RAPGEF1: variants seen among roughly 807,000 people sequenced by gnomAD.
RAPGEF1 encodes the protein Rap guanine nucleotide exchange factor 1, also known as CRK SH3-binding GNRP.
In RAPGEF1, 33 loss-of-function variants were observed where a neutral mutation model predicts 143.3. The ratio of observed to expected loss-of-function variants is 0.23; its 90% CI spans 0.17 to 0.31. The LOEUF (loss-of-function observed/expected upper bound fraction) is 0.31, where lower values mean the gene tolerates loss of function less well. RAPGEF1 is among the 10% of genes least tolerant of loss of function. The probability of loss-of-function intolerance (pLI) is 1.00; values close to 1 mark genes in which losing one functional copy is unlikely to be tolerated. For missense variants in RAPGEF1, 1,199 were observed against 1,645.4 expected, an observed-to-expected ratio of 0.73 and a Z score of 4.69; for synonymous variants, 629 against 676.5, an observed-to-expected ratio of 0.93 and a Z score of 1.09.
In RAPGEF1 at chr9:131,588,737, A is replaced by G; in HGVS notation, c.3053+64T>C. 1.4e-6 allele frequency: 2 copies of G among 1,479,362 alleles called. 1 individual carries two copies. Among genetic ancestry groups the G allele is most frequent in the African/African-American group, 2.8e-5 (2 of 71,804 alleles). 91.6% of individuals were successfully genotyped at this position (1,479,362 alleles called of 1,614,324 possible). A position where few individuals can be genotyped will look rare whatever the true frequency, so the allele number is the denominator to read the frequency against. Reference sequence around the variant, plus strand: ...GGGGCTGTGGGGCTGGCAGGGAGGGAGGGTAAACTGAGAAAGGCACGGCTC... The same window carrying G: ...GGGGCTGTGGGGCTGGCAGGGAGGGGGGGTAAACTGAGAAAGGCACGGCTC... On this transcript the variant is annotated intron_variant, in intron 20 of 26. Transcript: ENST00000683357.
chr9:131,717,908 C>G (rs942666172), intron 1 of RAPGEF1, among the ~76,000 whole-genome samples: 1 of 152,084 alleles, frequency 6.6e-6, no homozygotes, highest in African/African-American at 2.4e-5. Flanking sequence ...AGATGTGAGG[C>G]AGCTAGGGAT....
At chr9:131,640,063 G>A (rs1043869881) in intron 4 of RAPGEF1, among the ~76,000 whole-genome samples, 1 of 152,224 alleles carries the variant, frequency 6.6e-6, no homozygotes, top group African/African-American at 2.4e-5. Flanking sequence ...AGCCAGGATT[G>A]GGTATTTTAG....
chr9:131,688,867 C>T (rs553066889), intron 1 of RAPGEF1, among the ~76,000 whole-genome samples: 1 of 152,318 alleles, frequency 6.6e-6, no homozygotes, highest in African/African-American at 2.4e-5. Context: ...CACTGCACTC[C>T]AGCCTGGGCC....
In RAPGEF1 at chr9:131,628,912, G is replaced by A. The variant is rs775328109; in HGVS notation, c.893+190C>T. ...ATCATACCATGTCTCCCTGGGCTGA[G>A]GGCACAAGGAGGCCTTCAGGAGAGC... On this transcript the variant is annotated intron_variant, in intron 7 of 26. Transcript: ENST00000683357. This position sits in a 1 kb window ranked among gnomAD's most constrained non-coding sequence, Gnocchi z 5.7. 1.3e-5 allele frequency among the ~76,000 whole-genome samples: 2 copies of A among 152,152 alleles called. No individual in the cohort carries two copies. The highest frequency in any genetic ancestry group is 2.9e-5 in the Non-Finnish European group (2 of 68,022).
chr9:131,739,754 C>A lies in RAPGEF1; in HGVS notation c.61+16G>T. 8.7e-7 allele frequency: 1 copy of A among 1,147,228 alleles called. No homozygotes were observed. The highest frequency in any genetic ancestry group is 3.8e-5 in the Admixed American group (1 of 26,536). The allele number at this position is 1,147,228 out of a possible 1,614,324, so 71.1% of individuals were successfully genotyped here. A position where few individuals can be genotyped will look rare whatever the true frequency, so the allele number is the denominator to read the frequency against. Reference sequence around the variant, plus strand: ...CGGGCCCGGCCGGAGGGAGCCGCCCCACGCCCGCGCCTCACCTGCTTTCTC... The same window carrying A: ...CGGGCCCGGCCGGAGGGAGCCGCCCAACGCCCGCGCCTCACCTGCTTTCTC... On this transcript the variant is annotated intron_variant, in intron 1 of 26. Coordinates refer to ENST00000683357, the MANE Select transcript of RAPGEF1 (RefSeq NM_001377935.1).
At chr9:131,730,680 A>G (rs1836994948) in intron 1 of RAPGEF1, among the ~76,000 whole-genome samples, 1 of 137,468 alleles carries the variant, frequency 7.3e-6, no homozygotes, top group African/African-American at 2.8e-5. Context: ...GGGCAACAGC[A>G]GAGTGAGACT....
chr9:131,624,210 G>A (rs1418987525), intron 10 of RAPGEF1, among the ~76,000 whole-genome samples: 2 of 152,166 alleles, frequency 1.3e-5, no homozygotes, highest in Non-Finnish European at 2.9e-5. Flanking sequence ...CAGTTCTTCT[G>A]AGCTCCAGTT....
intron 1 of RAPGEF1, among the ~76,000 whole-genome samples, chr9:131,666,529 G>A (rs756474766): frequency 3.3e-5 from 5 of 152,052 alleles, no homozygotes; most frequent in Non-Finnish European, 7.4e-5. Context: ...GGGGACTACA[G>A]GTGCCTGCTA....
chr9:131,678,583 T>C (rs547807737), intron 1 of RAPGEF1, among the ~76,000 whole-genome samples: 100 of 152,344 alleles, frequency 6.6e-4, no homozygotes, highest in Non-Finnish European at 1.2e-3. Flanking sequence ...CAGAAATATG[T>C]TCCTCCCCAT....
intron 12 of RAPGEF1, among the ~76,000 whole-genome samples, chr9:131,606,576 GAAAAGAGGA>G (rs1957149839): frequency 6.6e-6 from 1 of 152,274 alleles, no homozygotes; most frequent in East Asian, 1.9e-4. Context: ...AGAACCCATG[GAAAAGAGGA>G]AGAAGAGGAA....
chr9:131,587,168 C>T (rs1267968064), intron 22 of RAPGEF1, among the ~76,000 whole-genome samples: 3 of 104,432 alleles, frequency 2.9e-5, no homozygotes, highest in Non-Finnish European at 5.6e-5. Flanking sequence ...ACCTGCAGAG[C>T]GAGACTCCGT....
At chr9:131,592,061 C>A (rs757910266) in intron 18 of RAPGEF1, 38 bp downstream of exon 18, 29 of 1,501,498 alleles carry the variant, frequency 1.9e-5, no homozygotes, top group Non-Finnish European at 2.6e-5. Context: ...CCAAAATGCC[C>A]ATGGTGCAGG....
In RAPGEF1 at chr9:131,626,362, G is replaced by A. The variant is rs750781112; in HGVS notation, c.1262C>T (p.Pro421Leu). The A allele has an allele frequency of 1.9e-6, 3 of 1,613,974 alleles. No homozygotes were observed. The highest frequency in any genetic ancestry group is 1.7e-5 in the Admixed American group (1 of 60,020). The change falls in exon 10 of 27, where the codon CCT (proline) becomes CTT (leucine). Residue 421 changes from proline to leucine, a missense_variant. Pro to Leu is a moderately conservative substitution (Grantham distance 98). Transcript: ENST00000683357. The part of the protein sequence containing the change: ...QQDLSNADQI[P>L]QQTAWNLSPL... ...GCTAAGGTTCCAGGCCGTCTGCTGA[G>A]GTATCTGGTCTGCGTTAGAGAGGTC...
chr9:131,591,792 A>C (rs1413675942), intron 18 of RAPGEF1, among the ~76,000 whole-genome samples: 1 of 152,198 alleles, frequency 6.6e-6, no homozygotes, highest in Non-Finnish European at 1.5e-5. Flanking sequence ...GGCATGTCTA[A>C]TTCGTTTTTA....
chr9:131,662,590 A>G (rs1421583339), intron 1 of RAPGEF1, among the ~76,000 whole-genome samples: 4 of 148,118 alleles, frequency 2.7e-5, no homozygotes, highest in Non-Finnish European at 6.0e-5. Flanking sequence ...CTCTGTCACC[A>G]AGGCTGGAGT....
chr9:131,623,038 G>A (rs796551424), intron 10 of RAPGEF1, among the ~76,000 whole-genome samples: 9 of 152,280 alleles, frequency 5.9e-5, no homozygotes, highest in African/African-American at 2.2e-4. Flanking sequence ...AAAGTGCTGG[G>A]ATTACAGGTG....
chr9:131,663,401 C>A (rs947777539), intron 1 of RAPGEF1, among the ~76,000 whole-genome samples: 1 of 151,890 alleles, frequency 6.6e-6, no homozygotes, highest in African/African-American at 2.4e-5. Flanking sequence ...ATATTTAACA[C>A]TGACATAATA....
Position 131,602,128 on chromosome 9 carries a change from C to T in RAPGEF1, c.2434G>A (p.Gly812Arg), listed in dbSNP as rs762417571. ...SRGEPPAGKD[G>R]HPRDPSAVSG... The stretch of plus-strand genomic sequence containing the variant: ...ACCGCTGAGGGATCTCTGGGATGTC[C>T]GTCTTTCCCAGCCGGTGGCTCCTGG... The change falls in exon 15 of 27, where the codon GGA becomes AGA. Residue 812 changes from glycine to arginine, a missense_variant. By Grantham distance (125) the Gly-to-Arg change is moderately radical. Transcript: ENST00000683357. 10 of 1,596,856 alleles carry T rather than the reference C, an allele frequency of 6.3e-6. No homozygotes were observed. Among genetic ancestry groups the T allele is most frequent in the East Asian group, 4.6e-5 (2 of 43,870 alleles).
chr9:131,596,377 T>A lies in RAPGEF1; in HGVS notation c.2614-4A>T. On this transcript the variant is annotated splice_region_variant and splice_polypyrimidine_tract_variant and intron_variant, in intron 16 of 26. Coordinates refer to ENST00000683357, the MANE Select transcript of RAPGEF1 (RefSeq NM_001377935.1). ...GGACGTCCGGCCCGTCATCACCCTG[T>A]AATGAACACAGCCAAGGAAGGTATG... is the stretch of plus-strand genomic sequence containing the variant. The A allele has an allele frequency of 6.2e-7, 1 of 1,613,944 alleles. No homozygotes were observed. The highest frequency in any genetic ancestry group is 8.5e-7 in the Non-Finnish European group (1 of 1,179,840).
Sources: gnomAD v4.1 joint callset for allele counts (sites outside exome capture counted in the v4.1 genomes callset) on GRCh38, gnomAD v4.1.1 for gene constraint, Gnocchi (gnomAD v3.1) non-coding constraint, MANE v1.5 for transcripts, NCBI Gene and HGNC (gene_info 2026-07-23, HGNC 2026-07-21) for gene names.